Variants in PFKM observed in about 807,000 individuals in gnomAD.
PFKM encodes phosphofructokinase, muscle.
A neutral mutation model predicts 95.5 loss-of-function variants in PFKM; 58 were observed. That is an observed-to-expected ratio of 0.61 (90% CI 0.49 to 0.76). PFKM has a LOEUF of 0.76. Among genes scored for constraint, PFKM ranks in the 30% least tolerant of loss-of-function variants. The pLI, the probability that PFKM is intolerant of heterozygous loss-of-function variation, is 0.00. For synonymous variants in PFKM, 336 were observed against 357.2 expected (o/e 0.94, Z 0.67); for missense variants, 678 against 1,005.4 (o/e 0.67, Z 4.40).
In PFKM at chr12:48,130,677, C is replaced by T. The variant is rs578169469; in HGVS notation, c.159+241C>T. On this transcript the variant is annotated intron_variant, in intron 3 of 22. Coordinates refer to ENST00000359794, the MANE Select transcript of PFKM (RefSeq NM_000289.6). ...CTGTTCAATTTAAAGGAAAAAGTAACTCTCAGTCCTCCTTTTATCTCCCTC... is the reference window on the plus strand; with the variant it reads ...CTGTTCAATTTAAAGGAAAAAGTAATTCTCAGTCCTCCTTTTATCTCCCTC... Among the ~76,000 whole-genome samples the T allele has an allele frequency of 5.4e-4, 82 of 152,286 alleles. 1 individual carries two copies. The highest frequency in any genetic ancestry group is 2.0e-3 in the African/African-American group (82 of 41,566).
At chr12:48,118,339 A>T, upstream of PFKM, 1 of 596,756 alleles carries the variant, frequency 1.7e-6, no homozygotes, top group Non-Finnish European at 3.0e-6. Flanking sequence ...TATCAGATAC[A>T]TGATTTGCAA....
chr12:48,136,692 C>CTTTTT (rs1166389532), intron 10 of PFKM, among the ~76,000 whole-genome samples: 5 of 63,024 alleles, frequency 7.9e-5, no homozygotes, highest in African/African-American at 2.3e-4. Context: ...GGGGTCGTCA[C>CTTTTT]TTTTTTTTTT....
chr12:48,112,364 T>G (rs1947267566), intron 3 of PFKM, among the ~76,000 whole-genome samples: 1 of 152,098 alleles, frequency 6.6e-6, no homozygotes, highest in Admixed American at 6.5e-5. Flanking sequence ...GGGATTGGGG[T>G]TTAGGAGATT....
intron 1 of PFKM, 120 bp from the exon 2 acceptor site, chr12:48,122,647 A>G: frequency 1.9e-6 from 3 of 1,545,966 alleles, no homozygotes; most frequent in Non-Finnish European, 2.6e-6. Flanking sequence ...TGCAAAGCTC[A>G]GACTTGGTAT....
upstream of PFKM, among the ~76,000 whole-genome samples, chr12:48,114,746 C>G (rs1947521523): frequency 6.6e-6 from 1 of 152,120 alleles, no homozygotes; most frequent in African/African-American, 2.4e-5. Context: ...TGTAAGGCAC[C>G]TCAGACCATT....
chr12:48,133,164 T>C, intron 5 of PFKM, 107 bp downstream of exon 5: 1 of 1,319,776 alleles, frequency 7.6e-7, no homozygotes. Flanking sequence ...GAGAAAAATG[T>C]TACCCAGACA....
At position 48,126,944 on chromosome 12, in the gene PFKM, CCT is replaced by C. The variant is rs533487807; in HGVS notation, c.86-3414_86-3413del. ...CTATTCCTCAAGCTACTGAGAAGCC[CCT>C]CTCTTCACAGATTTTTTGGTTTTGA... On this transcript the variant is annotated intron_variant, in intron 2 of 22. Coordinates refer to ENST00000359794, the MANE Select transcript of PFKM (RefSeq NM_000289.6). Among the ~76,000 whole-genome samples the C allele has an allele frequency of 2.9e-3, 441 of 152,298 alleles. 4 individuals are homozygous for C. In the Middle Eastern group the frequency reaches 0.031, roughly 11 times the overall value.
upstream of PFKM, among the ~76,000 whole-genome samples, chr12:48,116,118 T>G (rs2137686629): frequency 1.4e-5 from 2 of 145,360 alleles, no homozygotes; most frequent in East Asian, 2.2e-4. Flanking sequence ...CTTTCCCCCC[T>G]TCCCTCCCTT....
chr12:48,116,818 C>T (rs1947721992), upstream of PFKM, among the ~76,000 whole-genome samples: 1 of 152,166 alleles, frequency 6.6e-6, no homozygotes, highest in South Asian at 2.1e-4. Context: ...TAGTGTGGTA[C>T]ACTTGTGATA....
At chr12:48,127,236 A>G (rs1948951154) in intron 2 of PFKM, among the ~76,000 whole-genome samples, 1 of 145,200 alleles carries the variant, frequency 6.9e-6, no homozygotes, top group African/African-American at 2.5e-5. Context: ...TTTATCATGG[A>G]ACCCCCCTTC....
At chr12:48,135,251 C>T in intron 9 of PFKM, 40 bp from the exon 10 acceptor site, 3 of 1,520,450 alleles carry the variant, frequency 2.0e-6, no homozygotes, top group South Asian at 2.2e-5. Context: ...TCCTTTGACT[C>T]TGCGTAACCC....
At chr12:48,139,412 C>G in intron 12 of PFKM, 63 bp downstream of exon 12, 1 of 1,252,560 alleles carries the variant, frequency 8.0e-7, no homozygotes, top group Non-Finnish European at 1.2e-6. Context: ...AGCCAAAGAT[C>G]TCCATGGCTC....
In PFKM at chr12:48,134,790, T is replaced by A. The variant is rs12828446; in HGVS notation, c.708T>A (p.Asp236Glu). 18 of 1,614,172 alleles carry A rather than the reference T, an allele frequency of 1.1e-5. No homozygotes were observed. The highest frequency in any genetic ancestry group is 1.5e-5 in the Non-Finnish European group (18 of 1,180,010). Reference protein sequence around the residue: ...DWVFIPECPPDDDWEEHLCRR... With the variant: ...DWVFIPECPPEDDWEEHLCRR... Reference sequence around the variant, plus strand: ...TTTTTATTCCTGAATGTCCACCAGATGACGACTGGGAGGAACACCTTTGTC... The same window carrying A: ...TTTTTATTCCTGAATGTCCACCAGAAGACGACTGGGAGGAACACCTTTGTC... Residue 236 changes from aspartate (D) to glutamate (E), a missense_variant, in exon 8 of 23, where the codon GAT becomes GAA. By Grantham distance (45) the Asp-to-Glu change is conservative (BLOSUM62 2). Transcript: ENST00000359794.
intron 2 of PFKM, among the ~76,000 whole-genome samples, chr12:48,129,446 C>CA (rs1342688206): frequency 1.3e-5 from 2 of 151,930 alleles, no homozygotes; most frequent in Non-Finnish European, 2.9e-5. Context: ...ATCTTATATA[C>CA]AGGGCCACAG....
At chr12:48,127,631 C>T (rs1346249040) in intron 2 of PFKM, among the ~76,000 whole-genome samples, 1 of 152,200 alleles carries the variant, frequency 6.6e-6, no homozygotes, top group Non-Finnish European at 1.5e-5. Context: ...TTCCACATTT[C>T]TTTTCTAGGA....
In PFKM at chr12:48,139,211, G is replaced by A. The variant is rs1025300461; in HGVS notation, c.1063-74G>A. 2.9e-5 allele frequency: 34 copies of A among 1,162,430 alleles called. No individual in the cohort carries two copies. In the East Asian group the frequency reaches 4.0e-4, roughly 14 times the overall value. 72.0% of individuals were successfully genotyped at this position (1,162,430 alleles called of 1,614,324 possible). The stretch of plus-strand genomic sequence containing the variant: ...ACAATCCCAGAGATGGGCAGAGTTC[G>A]ACTGTGGGATGGAGTTCCAGCTGTG... On this transcript the variant is annotated intron_variant, in intron 11 of 22. Coordinates refer to ENST00000359794, the MANE Select transcript of PFKM (RefSeq NM_000289.6).
rs761133325 is a variant in PFKM, at chr12:48,133,457, T to C, written c.570T>C (p.Asp190=). The stretch of plus-strand genomic sequence containing the variant: ...TGCATCGGATCATGGAAATTGTAGA[T>C]GCCATCACTACCACTGCCCAGAGGT... ...SALHRIMEIV[D]AITTTAQSHQ... The change falls in exon 6 of 23, where the codon GAT becomes GAC. Residue 190 remains aspartate, a synonymous_variant. Coordinates refer to ENST00000359794, the MANE Select transcript of PFKM (RefSeq NM_000289.6). 8 of 1,614,164 alleles carry C rather than the reference T, an allele frequency of 5.0e-6. No homozygotes were observed. The highest frequency in any genetic ancestry group is 6.8e-6 in the Non-Finnish European group (8 of 1,180,006).
chr12:48,144,422 T>A (rs904889704), intron 20 of PFKM, among the ~76,000 whole-genome samples: 1 of 152,188 alleles, frequency 6.6e-6, no homozygotes, highest in East Asian at 1.9e-4. Context: ...GCTTTGCCTT[T>A]TGGGGCTGGA....
At chr12:48,142,376 G>A (rs1950648543) in intron 17 of PFKM, 1 of 442,668 alleles carries the variant, frequency 2.3e-6, no homozygotes, top group African/African-American at 2.0e-5. Context: ...GGGAGGCTGA[G>A]GCAGGAAAAT....
Sources: allele counts gnomAD v4.1 joint callset (sites outside exome capture counted in the v4.1 genomes callset), GRCh38; gene constraint gnomAD v4.1.1; transcripts MANE v1.5; gene names NCBI Gene and HGNC (gene_info 2026-07-23, HGNC 2026-07-21).